SMG1: variants seen among roughly 807,000 people sequenced by gnomAD.
SMG1 encodes serine/threonine-protein kinase SMG1.
SMG1 carries 22 observed loss-of-function variants against 419.9 expected under a neutral mutation model. The ratio of observed to expected loss-of-function variants is 0.05; its 90% CI spans 0.04 to 0.07. The LOEUF (loss-of-function observed/expected upper bound fraction) is 0.07. SMG1 is among the 10% of genes least tolerant of loss of function. SMG1 has a pLI of 1.00. For missense variants in SMG1, 3,185 were observed against 4,342.0 expected, an observed-to-expected ratio of 0.73 and a Z score of 7.49; for synonymous variants, 1,538 against 1,553.5, an observed-to-expected ratio of 0.99 and a Z score of 0.23.
chr16:18,893,776 G>A (rs1486866094), intron 3 of SMG1, among the ~76,000 whole-genome samples: 2 of 152,078 alleles, frequency 1.3e-5, no homozygotes, highest in African/African-American at 2.4e-5. Context: ...GAAACCAGAA[G>A]GCTGGGCATG....
rs1010409543 is a variant in SMG1 at position 18,804,991 on chromosome 16, C to G, written c.*4578G>C. The G allele has an allele frequency of 3.3e-5, 5 of 152,624 alleles. No individual in the cohort carries two copies. The allele number at this position is 152,624 out of a possible 1,614,324, so 9.5% of individuals were successfully genotyped here. A position where few individuals can be genotyped will look rare whatever the true frequency, so the allele number is the denominator to read the frequency against. On this transcript the variant is annotated 3_prime_UTR_variant, in exon 63 of 63. Transcript: ENST00000446231. The stretch of plus-strand genomic sequence containing the variant: ...ATGCATTATGAACATTTTCAGGAAG[C>G]TGGTGTGATTTATTCAACTTTTAAA...
chr16:18,868,040 T>C, intron 22 of SMG1, 150 bp downstream of exon 22: 1 of 783,754 alleles, frequency 1.3e-6, no homozygotes, highest in East Asian at 2.7e-5. Flanking sequence ...ACTCTGGCAG[T>C]TGTTGCTTTT....
rs2031941938 is a variant in SMG1, at chr16:18,815,714, A to G, written c.10303-63T>C. The G allele has an allele frequency of 1.6e-5, 22 of 1,359,618 alleles. No individual in the cohort carries two copies. In the South Asian group the frequency reaches 2.7e-4, roughly 17 times the overall value. The allele number at this position is 1,359,618 out of a possible 1,614,324, so 84.2% of individuals were successfully genotyped here. A position where few individuals can be genotyped will look rare whatever the true frequency, so the allele number is the denominator to read the frequency against. On this transcript the variant is annotated intron_variant, in intron 58 of 62. Coordinates refer to ENST00000446231, the MANE Select transcript of SMG1 (RefSeq NM_015092.5). ...TAGTATCAGTAATTACTCTCAAGACAGTCACCTAGTGATTAAGTAACAAAT... is the reference window on the plus strand; with the variant it reads ...TAGTATCAGTAATTACTCTCAAGACGGTCACCTAGTGATTAAGTAACAAAT...
intron 1 of SMG1, among the ~76,000 whole-genome samples, chr16:18,900,478 T>C (rs1468386977): frequency 6.6e-6 from 1 of 152,046 alleles, no homozygotes; most frequent in Non-Finnish European, 1.5e-5. Flanking sequence ...CTTGTAAGTA[T>C]TAGAGAGAAA....
chr16:18,877,946 A>C (rs1363808282), intron 11 of SMG1: 2 of 152,186 alleles, frequency 1.3e-5, no homozygotes, highest in African/African-American at 4.8e-5. Context: ...GTTGGAGATG[A>C]AAGGATAGCA....
In SMG1 at chr16:18,829,549, C is replaced by T. The variant is rs1341602441; in HGVS notation, c.9340G>A (p.Gly3114Ser). The T allele has an allele frequency of 1.2e-6, 2 of 1,613,954 alleles. No homozygotes were observed. Among genetic ancestry groups the T allele is most frequent in the South Asian group, 1.1e-5 (1 of 91,080 alleles). The change falls in exon 54 of 63, where the codon GGT (glycine) becomes AGT (serine). Residue 3114 changes from glycine to serine, a missense_variant. Gly to Ser is a moderately conservative substitution (Grantham distance 56). This residue lies in a region of SMG1 where 737 missense variants were observed against 846.6 expected (regional missense o/e 0.87). Coordinates refer to ENST00000446231, the MANE Select transcript of SMG1 (RefSeq NM_015092.5). ...TCTACTTGAGCAATGATGTCTACACCCAGAGCACTGATAAAACTGCACAGT... is the reference window on the plus strand; with the variant it reads ...TCTACTTGAGCAATGATGTCTACACTCAGAGCACTGATAAAACTGCACAGT... ...LTLCSFISAL[G>S]VDIIAQVEAK...
At chr16:18,858,383 A>G in intron 28 of SMG1, 93 bp from the exon 29 acceptor site, 1 of 1,170,874 alleles carries the variant, frequency 8.5e-7, no homozygotes, top group Non-Finnish European at 1.2e-6. Flanking sequence ...ACTGCAATAT[A>G]GTTTGGCTAC....
chr16:18,881,776 A>G (rs2036409299), intron 10 of SMG1, among the ~76,000 whole-genome samples: 1 of 152,158 alleles, frequency 6.6e-6, no homozygotes, highest in Non-Finnish European at 1.5e-5. Context: ...TATGAGTTCC[A>G]TCTTATGTTC....
chr16:18,815,859 T>G, intron 58 of SMG1: 2 of 556,922 alleles, frequency 3.6e-6, no homozygotes, highest in Non-Finnish European at 6.3e-6. Flanking sequence ...TTATTTACTG[T>G]TTGTAATGAT....
intron 54 of SMG1, 45 bp from the exon 55 acceptor site, chr16:18,828,213 C>T (rs748978744): frequency 5.7e-6 from 9 of 1,584,232 alleles, no homozygotes; most frequent in African/African-American, 2.7e-5. Context: ...AGGAAAAAAG[C>T]GTTTAGATAA....
rs775970574 is a variant in SMG1, at chr16:18,833,142, T to C, written c.8590A>G (p.Ile2864Val). The change falls in exon 51 of 63, where the codon ATC becomes GTC. Residue 2864 changes from isoleucine (I) to valine (V), a missense_variant. Physicochemically the swap from Ile to Val is conservative, Grantham distance 29. Transcript: ENST00000446231. The part of the protein sequence containing the change: ...LQELNSNFRQ[I>V]IFPEALRCLM... ...CATCGAAGTGCTTCTGGAAATATGA[T>C]TTGCCGGAAATTCGAATTCAATTCC... 4.3e-6 allele frequency: 7 copies of C among 1,613,726 alleles called. No individual in the cohort carries two copies. The Admixed American group carries it at 1.2e-4, about 27-fold the overall frequency.
intron 1 of SMG1, 46 bp downstream of exon 1, chr16:18,925,904 G>A (rs1425769322): frequency 1.4e-6 from 2 of 1,441,980 alleles, no homozygotes; most frequent in African/African-American, 1.5e-5. Flanking sequence ...GCCCGCCCGA[G>A]GCGGAGCCCG....
intron 43 of SMG1, 27 bp from the exon 44 acceptor site, chr16:18,838,493 TG>T: frequency 6.2e-7 from 1 of 1,614,016 alleles, no homozygotes; most frequent in Non-Finnish European, 8.5e-7. Context: ...ATTATATTTT[TG>T]CCCTTTCACC....
In SMG1 at chr16:18,847,610, G is replaced by GCATA. The variant is rs2034339917; in HGVS notation, c.5842-7_5842-4dup. 4 of 1,613,790 alleles carry GCATA rather than the reference G, an allele frequency of 2.5e-6. No individual in the cohort carries two copies. Among genetic ancestry groups the GCATA allele is most frequent in the Middle Eastern group, 3.3e-4 (2 of 6,030 alleles). ...AGTTCAGCCACGAGCATCTGAACCT[G>GCATA]CATACACAGCACACCCAAATAGCTC... On this transcript the variant is annotated splice_polypyrimidine_tract_variant and splice_region_variant and intron_variant, in intron 37 of 62. Coordinates refer to ENST00000446231, the MANE Select transcript of SMG1 (RefSeq NM_015092.5).
intron 1 of SMG1, 172 bp downstream of exon 1, chr16:18,925,778 G>T (rs2038374125): frequency 1.0e-5 from 5 of 480,276 alleles, no homozygotes; most frequent in South Asian, 6.4e-5. Context: ...CTTAGGCCTC[G>T]CCTCCCCGCG....
intron 4 of SMG1, among the ~76,000 whole-genome samples, chr16:18,891,974 G>A (rs964827464): frequency 3.3e-5 from 5 of 152,186 alleles, no homozygotes; most frequent in Non-Finnish European, 7.3e-5. Flanking sequence ...GGCTGCAGTG[G>A]GAGGATAGCT....
intron 1 of SMG1, among the ~76,000 whole-genome samples, chr16:18,919,743 A>C (rs1412925116): frequency 1.3e-5 from 2 of 150,648 alleles, no homozygotes; most frequent in African/African-American, 4.9e-5. Flanking sequence ...AGAGTATTTC[A>C]TTACCTGTTA....
intron 23 of SMG1, chr16:18,866,245 T>C (rs549699303): frequency 1.4e-4 from 37 of 263,440 alleles, no homozygotes; most frequent in Non-Finnish European, 2.1e-4. Context: ...CTCCTCTACC[T>C]GGAGGAAGCA....
At chr16:18,868,977 T>A (rs1337645733) in intron 20 of SMG1, 127 bp downstream of exon 20, 3 of 822,502 alleles carry the variant, frequency 3.6e-6, no homozygotes, top group East Asian at 2.7e-5. Flanking sequence ...CTAACAAACA[T>A]ACCTGAAAAT....
Sources: gnomAD v4.1 joint callset for allele counts (sites outside exome capture counted in the v4.1 genomes callset) on GRCh38, gnomAD v4.1.1 for gene constraint, gnomAD v4.1.1 regional missense constraint, MANE v1.5 for transcripts, NCBI Gene and HGNC (gene_info 2026-07-23, HGNC 2026-07-21) for gene names.